DNAH7: variants seen among roughly 807,000 people sequenced by gnomAD.
DNAH7 encodes the protein dynein axonemal heavy chain 7.
In DNAH7, 397 loss-of-function variants were observed where a neutral mutation model predicts 444.6. That is an observed-to-expected ratio of 0.89 (90% CI 0.82 to 0.97). The LOEUF (loss-of-function observed/expected upper bound fraction) is 0.97. Ranked by LOEUF, DNAH7 falls within the 50% of genes least tolerant of loss-of-function variation. DNAH7 has a pLI of 0.00. For synonymous variants in DNAH7, 1,636 were observed against 1,624.4 expected (o/e 1.01, Z -0.17); for missense variants, 4,902 against 4,800.8 (o/e 1.02, Z -0.62).
At chr2:195,857,787 T>C in intron 43 of DNAH7, 64 bp from the exon 44 acceptor site, 1 of 1,381,210 alleles carries the variant, frequency 7.2e-7, no homozygotes, top group Non-Finnish European at 9.6e-7. Flanking sequence ...TGTAAGTGGT[T>C]CCTATTTTCA....
rs574343914 is a variant in DNAH7, at chr2:195,987,290, T to C, written c.1627-97A>G. ...TCATAATTTTTATTTTTGTGTGTGA[T>C]GTAACAAGATTGAGATTTTTAAAAA... is the stretch of plus-strand genomic sequence containing the variant. On this transcript the variant is annotated intron_variant, in intron 13 of 64. Transcript: ENST00000312428. The C allele has an allele frequency of 8.1e-6, 7 of 869,434 alleles. No homozygotes were observed. In the East Asian group the frequency reaches 2.0e-4, roughly 25 times the overall value. The allele number at this position is 869,434 out of a possible 1,614,324, so 53.9% of individuals were successfully genotyped here. A position where few individuals can be genotyped will look rare whatever the true frequency, so the allele number is the denominator to read the frequency against.
chr2:195,898,792 C>T (rs1686510888), intron 28 of DNAH7, among the ~76,000 whole-genome samples: 1 of 152,116 alleles, frequency 6.6e-6, no homozygotes, highest in African/African-American at 2.4e-5. Context: ...ACATTAGATT[C>T]CAAAATATTT....
rs1401724 is a variant in DNAH7 at position 196,016,515 on chromosome 2, T to C, written c.869+2655A>G. 2.9e-3 allele frequency among the ~76,000 whole-genome samples: 449 copies of C among 152,302 alleles called. 8 individuals carry two copies. The highest frequency in any genetic ancestry group is 0.022 in the East Asian group (112 of 5,190). ...ACTGTACAATGGAAAGGTGGAAGAA[T>C]GCATTTCCTGGAAGTATGTATTCTG... is the stretch of plus-strand genomic sequence containing the variant. On this transcript the variant is annotated intron_variant, in intron 9 of 64. Transcript: ENST00000312428.
At chr2:195,846,178 C>A (rs996182094) in intron 46 of DNAH7, among the ~76,000 whole-genome samples, 1 of 152,148 alleles carries the variant, frequency 6.6e-6, no homozygotes, top group Non-Finnish European at 1.5e-5. Context: ...AAACAACTCA[C>A]CCCTTTAAAA....
rs148465561 is a variant in DNAH7 at position 195,917,830 on chromosome 2, T to C, written c.3935+4258A>G. ...CCACCATACTTGACCATTTTTTGTT[T>C]GTTTGTTTTACATTTTTTGTAGAGA... On this transcript the variant is annotated intron_variant, in intron 24 of 64. Coordinates refer to ENST00000312428, the MANE Select transcript of DNAH7 (RefSeq NM_018897.3). Among the ~76,000 whole-genome samples, 4 of 152,298 alleles carry C rather than the reference T, an allele frequency of 2.6e-5. No homozygotes were observed. In the East Asian group the frequency reaches 7.7e-4, roughly 29 times the overall value.
chr2:195,933,541 C>T (rs1369577364), intron 21 of DNAH7, among the ~76,000 whole-genome samples: 1 of 152,052 alleles, frequency 6.6e-6, no homozygotes, highest in Non-Finnish European at 1.5e-5. Context: ...AAATGTGGCA[C>T]ATATACACTA....
rs756280799 is a variant in DNAH7 at position 195,824,289 on chromosome 2, C to T, written c.9257G>A (p.Arg3086Lys). The change falls in exon 49 of 65, where the codon AGA becomes AAA. Residue 3086 changes from arginine (R) to lysine (K), a missense_variant. Arg to Lys is a conservative substitution (Grantham distance 26). Coordinates refer to ENST00000312428, the MANE Select transcript of DNAH7 (RefSeq NM_018897.3). ...TGTTTCAGGAAGATAATGAGGATTT[C>T]TTAACTTGGTAGTAATATAGAAGCG... ...DFRFYITTKLRNPHYLPETSV... is the reference protein window; with the variant it reads ...DFRFYITTKLKNPHYLPETSV... 2.7e-5 allele frequency: 43 copies of T among 1,613,072 alleles called. No individual in the cohort carries two copies. Among genetic ancestry groups the T allele is most frequent in the Non-Finnish European group, 3.6e-5 (42 of 1,179,602 alleles).
At chr2:195,960,239 G>A (rs777374712) in intron 18 of DNAH7, 21 bp downstream of exon 18, 2 of 1,561,652 alleles carry the variant, frequency 1.3e-6, no homozygotes, top group Non-Finnish European at 1.7e-6. Context: ...CATAAACATT[G>A]CCATATAAAT....
chr2:195,879,237 G>A (rs937504970), intron 36 of DNAH7, among the ~76,000 whole-genome samples: 1 of 152,024 alleles, frequency 6.6e-6, no homozygotes, highest in Non-Finnish European at 1.5e-5. Flanking sequence ...AAAATGCAGC[G>A]ACACGCTGAG....
chr2:195,960,693 C>A lies in DNAH7; in HGVS notation c.2458G>T (p.Ala820Ser). 1 of 1,614,212 alleles carries A rather than the reference C, an allele frequency of 6.2e-7. No individual in the cohort carries two copies. Residue 820 changes from alanine to serine, a missense_variant, in exon 18 of 65, where the codon GCA (alanine) becomes TCA (serine). Coordinates refer to ENST00000312428, the MANE Select transcript of DNAH7 (RefSeq NM_018897.3). Reference protein sequence around the residue: ...LEKTFHDSPYALAMTKKVRSK... With the variant: ...LEKTFHDSPYSLAMTKKVRSK... The stretch of plus-strand genomic sequence containing the variant: ...CTTACTTTTTTTGTCATTGCCAATG[C>A]ATATGGAGAATCATGAAAGGTTTTC...
chr2:195,801,028 A>C (rs549741001), intron 54 of DNAH7, among the ~76,000 whole-genome samples: 1 of 152,296 alleles, frequency 6.6e-6, no homozygotes, highest in South Asian at 2.1e-4. Flanking sequence ...TAAAGTCAAG[A>C]CACCCTTTGG....
chr2:195,838,266 A>G (rs1037244642), intron 47 of DNAH7, among the ~76,000 whole-genome samples: 14 of 152,174 alleles, frequency 9.2e-5, no homozygotes, highest in African/African-American at 3.4e-4. Flanking sequence ...GGATTTTGAC[A>G]GGACCTAGAG....
chr2:195,892,618 G>A (rs569795941), intron 30 of DNAH7: 2 of 151,942 alleles, frequency 1.3e-5, no homozygotes, highest in African/African-American at 4.8e-5. Context: ...AATTGGTGTG[G>A]TACATTGTTA....
At chr2:195,911,703 G>A (rs1398330739) in intron 24 of DNAH7, among the ~76,000 whole-genome samples, 3 of 152,044 alleles carry the variant, frequency 2.0e-5, no homozygotes, top group African/African-American at 4.8e-5. Flanking sequence ...AAGGGCTGAG[G>A]GAAAACTACT....
At chr2:195,924,303 A>C (rs74587237) in intron 22 of DNAH7, among the ~76,000 whole-genome samples, 2,796 of 152,262 alleles carry the variant, frequency 0.018, 76 homozygotes, top group African/African-American at 0.063. Context: ...AGCAACAACA[A>C]AAGACAGCCC....
rs1307147073 is a variant in DNAH7 at position 195,855,198 on chromosome 2, A to C, written c.8595+613T>G. Among the ~76,000 whole-genome samples the C allele has an allele frequency of 2.6e-5, 4 of 152,352 alleles. No individual in the cohort carries two copies. The East Asian group carries it at 5.8e-4, about 22-fold the overall frequency. On this transcript the variant is annotated intron_variant, in intron 45 of 64. Transcript: ENST00000312428. ...GAACAACCGGCCTTTGTACATAATA[A>C]GCATTCAATAAATGTTGACTGTTAT...
intron 63 of DNAH7, among the ~76,000 whole-genome samples, chr2:195,749,347 G>A (rs1434221557): frequency 1.3e-5 from 2 of 150,306 alleles, no homozygotes; most frequent in South Asian, 4.2e-4. Flanking sequence ...TGCTGGAGAG[G>A]ATGTGGAGAA....
chr2:195,871,390 CTAACTTCA>C (rs1226328849), intron 40 of DNAH7, among the ~76,000 whole-genome samples: 3 of 152,172 alleles, frequency 2.0e-5, no homozygotes, highest in African/African-American at 7.2e-5. Flanking sequence ...CCTCAAACTC[CTAACTTCA>C]AGCAATTCTC....
At position 196,068,780 on chromosome 2, in the gene DNAH7, T is replaced by C. The variant is rs912832458; in HGVS notation, c.-69A>G. The C allele has an allele frequency of 1.1e-5, 17 of 1,539,126 alleles. 1 individual carries two copies. The African/African-American group carries it at 1.9e-4, about 17-fold the overall frequency. On this transcript the variant is annotated 5_prime_UTR_variant, in exon 1 of 65. Coordinates refer to ENST00000312428, the MANE Select transcript of DNAH7 (RefSeq NM_018897.3). ...CCTGCCCGCGGAACCCCTAGGACGATAGAGGCAGGGCCCCGGGACTTGCAG... is the reference window on the plus strand; with the variant it reads ...CCTGCCCGCGGAACCCCTAGGACGACAGAGGCAGGGCCCCGGGACTTGCAG...
Sources: allele counts gnomAD v4.1 joint callset (sites outside exome capture counted in the v4.1 genomes callset), GRCh38; gene constraint gnomAD v4.1.1; transcripts MANE v1.5; gene names NCBI Gene and HGNC (gene_info 2026-07-23, HGNC 2026-07-21).